The following ZNF521 variants were observed in gnomAD, a reference collection of about 807,000 sequenced individuals.
The protein encoded by ZNF521 is zinc finger protein 521, also known as LYST-interacting protein 3.
ZNF521 carries 14 observed loss-of-function variants against 105.5 expected under a neutral mutation model. That is an observed-to-expected ratio of 0.13 (90% CI 0.09 to 0.21). ZNF521 has a LOEUF of 0.21. Ranked by LOEUF, ZNF521 falls within the 10% of genes least tolerant of loss-of-function variation. The probability of loss-of-function intolerance (pLI) is 1.00; values close to 1 mark genes in which losing one functional copy is unlikely to be tolerated. For missense variants in ZNF521, 1,233 were observed against 1,629.7 expected, an observed-to-expected ratio of 0.76 and a Z score of 4.19; for synonymous variants, 635 against 606.0, an observed-to-expected ratio of 1.05 and a Z score of -0.70.
intron 3 of ZNF521, among the ~76,000 whole-genome samples, chr18:25,292,247 G>A (rs1369533284): frequency 1.5e-5 from 2 of 134,556 alleles, no homozygotes; most frequent in Admixed American, 7.6e-5. Flanking sequence ...TGACTCAGAT[G>A]TCGGATACTT....
chr18:25,099,467 C>A (rs2033921714), intron 5 of ZNF521, among the ~76,000 whole-genome samples: 1 of 152,062 alleles, frequency 6.6e-6, no homozygotes, highest in Non-Finnish European at 1.5e-5. Flanking sequence ...TTATCCCTGG[C>A]AAGAAACTGA....
chr18:25,190,881 T>A (rs914357134), intron 5 of ZNF521, among the ~76,000 whole-genome samples: 1 of 152,252 alleles, frequency 6.6e-6, no homozygotes, highest in East Asian at 1.9e-4. Context: ...AATCTTTTTC[T>A]GATTTTTTGA....
chr18:25,208,084 T>A (rs1480394282), intron 4 of ZNF521, among the ~76,000 whole-genome samples: 1 of 152,224 alleles, frequency 6.6e-6, no homozygotes, highest in Non-Finnish European at 1.5e-5. Context: ...TCAGTCATTC[T>A]TTTAAAAGAC....
chr18:25,217,810 AT>A (rs1179362154), intron 4 of ZNF521, among the ~76,000 whole-genome samples: 17 of 152,194 alleles, frequency 1.1e-4, no homozygotes, highest in Non-Finnish European at 2.1e-4. Context: ...TTCACGTGAT[AT>A]TTACTCCATA....
chr18:25,206,709 C>T (rs1013831047), intron 4 of ZNF521, among the ~76,000 whole-genome samples: 2 of 152,060 alleles, frequency 1.3e-5, no homozygotes, highest in South Asian at 4.1e-4. Context: ...TATTCTTATT[C>T]TGGGTTTGCA....
intron 2 of ZNF521, among the ~76,000 whole-genome samples, chr18:25,347,349 A>G (rs913332039): frequency 2.6e-5 from 4 of 152,246 alleles, no homozygotes; most frequent in Non-Finnish European, 4.4e-5. Context: ...GATTCGTACC[A>G]TAAGGACAGA....
At chr18:25,333,133 A>G (rs527315995) in intron 2 of ZNF521, among the ~76,000 whole-genome samples, 1 of 151,806 alleles carries the variant, frequency 6.6e-6, no homozygotes. Flanking sequence ...CTATATGTAA[A>G]CATATTTTCA....
intron 7 of ZNF521, among the ~76,000 whole-genome samples, chr18:25,070,314 A>G (rs1231774834): frequency 2.0e-5 from 3 of 152,172 alleles, no homozygotes; most frequent in Non-Finnish European, 4.4e-5. Flanking sequence ...TTCTCTGGAC[A>G]TTTGTGCTAA....
chr18:25,272,229 T>G (rs1909711122), intron 3 of ZNF521, among the ~76,000 whole-genome samples: 1 of 152,126 alleles, frequency 6.6e-6, no homozygotes, highest in Non-Finnish European at 1.5e-5. Flanking sequence ...CTCATGCCAG[T>G]TAGAATGGTG....
chr18:25,134,879 G>A (rs2034704724), intron 5 of ZNF521, among the ~76,000 whole-genome samples: 3 of 152,102 alleles, frequency 2.0e-5, no homozygotes, highest in South Asian at 4.2e-4. Flanking sequence ...CCAAGCAAGT[G>A]GTGGGGAGGG....
chr18:25,219,390 G>GA (rs1905545909), intron 4 of ZNF521, among the ~76,000 whole-genome samples: 1 of 152,088 alleles, frequency 6.6e-6, no homozygotes, highest in Admixed American at 6.5e-5. Context: ...GAAAACATAA[G>GA]AAAAAATGCA....
At chr18:25,306,348 A>G (rs1353692715) in intron 3 of ZNF521, among the ~76,000 whole-genome samples, 1 of 152,242 alleles carries the variant, frequency 6.6e-6, no homozygotes, top group Non-Finnish European at 1.5e-5. Flanking sequence ...CACAGATTCT[A>G]AGCAATGAAC....
intron 7 of ZNF521, among the ~76,000 whole-genome samples, chr18:25,074,550 T>A (rs2033313590): frequency 6.6e-6 from 1 of 152,214 alleles, no homozygotes; most frequent in African/African-American, 2.4e-5. Context: ...ATTAGCAAGT[T>A]CATACAGGCA....
At chr18:25,312,586 G>A (rs1271087749) in intron 3 of ZNF521, among the ~76,000 whole-genome samples, 1 of 37,938 alleles carries the variant, frequency 2.6e-5, no homozygotes, top group Non-Finnish European at 6.1e-5. Flanking sequence ...GCCGAGGCGG[G>A]TGGATCATGA....
At chr18:25,085,192 T>C (rs1320806252) in intron 7 of ZNF521, among the ~76,000 whole-genome samples, 1 of 151,144 alleles carries the variant, frequency 6.6e-6, no homozygotes, top group Non-Finnish European at 1.5e-5. Context: ...AGAGAAAGGT[T>C]ATATCTTGCT....
At chr18:25,100,843 G>A (rs1321237699) in intron 5 of ZNF521, among the ~76,000 whole-genome samples, 1 of 152,138 alleles carries the variant, frequency 6.6e-6, no homozygotes, top group Non-Finnish European at 1.5e-5. Flanking sequence ...ACTAGTTAGA[G>A]CTCCATAACC....
At chr18:25,136,132 C>T (rs1201540420) in intron 5 of ZNF521, among the ~76,000 whole-genome samples, 3 of 152,098 alleles carry the variant, frequency 2.0e-5, no homozygotes, top group African/African-American at 7.2e-5. Flanking sequence ...AAGTTGTTGG[C>T]TTCCCAATGT....
At chr18:25,211,125 A>G (rs75156823) in intron 4 of ZNF521, among the ~76,000 whole-genome samples, 5,985 of 152,334 alleles carry the variant, frequency 0.039, 402 homozygotes, top group African/African-American at 0.14. Context: ...AAAAAGATTA[A>G]CTGAGATGCT....
intron 3 of ZNF521, among the ~76,000 whole-genome samples, chr18:25,309,611 AC>A (rs1912182640): frequency 6.6e-6 from 1 of 152,236 alleles, no homozygotes; most frequent in South Asian, 2.1e-4. Flanking sequence ...CTTTTTAATA[AC>A]CAGCATAAAA....
Sources: gnomAD v4.1 joint callset for allele counts (sites outside exome capture counted in the v4.1 genomes callset) on GRCh38, gnomAD v4.1.1 for gene constraint, MANE v1.5 for transcripts, NCBI Gene and HGNC (gene_info 2026-07-23, HGNC 2026-07-21) for gene names.